The following GHR variants were observed in gnomAD, a reference collection of about 807,000 sequenced individuals.
The protein encoded by GHR is GH receptor.
In GHR, 35 loss-of-function variants were observed where a neutral mutation model predicts 67.1. The observed-to-expected ratio is 0.52, with a 90% CI of 0.40 to 0.69. The LOEUF (loss-of-function observed/expected upper bound fraction) is 0.69. Ranked by LOEUF, GHR falls within the 30% of genes least tolerant of loss-of-function variation. The pLI is 0.00. For synonymous variants in GHR, 272 were observed against 269.1 expected (o/e 1.01, Z -0.10); for missense variants, 792 against 764.6 (o/e 1.04, Z -0.42).
intron 1 of GHR, chr5:42,466,857 A>G: frequency 3.5e-6 from 5 of 1,414,528 alleles, no homozygotes; most frequent in Non-Finnish European, 4.7e-6. Flanking sequence ...GGTTATGACC[A>G]ATGCTGGAAG....
At chr5:42,607,838 A>G (rs1238365371) in intron 2 of GHR, among the ~76,000 whole-genome samples, 2 of 152,216 alleles carry the variant, frequency 1.3e-5, no homozygotes, top group African/African-American at 2.4e-5. Flanking sequence ...ACTTACTACC[A>G]ACTTCTTACA....
chr5:42,592,708 G>A (rs954233434), intron 2 of GHR, among the ~76,000 whole-genome samples: 3 of 152,186 alleles, frequency 2.0e-5, no homozygotes, highest in Non-Finnish European at 4.4e-5. Flanking sequence ...ATTGTGAATA[G>A]AGCCTCAGTG....
chr5:42,555,839 G>A (rs1676743079), intron 1 of GHR, among the ~76,000 whole-genome samples: 1 of 152,130 alleles, frequency 6.6e-6, no homozygotes, highest in South Asian at 2.1e-4. Flanking sequence ...GTCGGGACAT[G>A]AATAGCCGTC....
In GHR at chr5:42,429,218, G is replaced by T. The variant is rs992024546; in HGVS notation, c.-12+5263G>T. 4.6e-5 allele frequency among the ~76,000 whole-genome samples: 7 copies of T among 152,200 alleles called. No homozygotes were observed. In the East Asian group the frequency reaches 1.2e-3, roughly 25 times the overall value. ...CTCTTACATGGTGGCAGACAATAAG[G>T]CATGTGCGGGGGAACTACCCTTTAT... On this transcript the variant is annotated intron_variant, in intron 1 of 9. Transcript: ENST00000230882.
intron 2 of GHR, among the ~76,000 whole-genome samples, chr5:42,616,731 A>G (rs931087441): frequency 2.0e-5 from 3 of 151,882 alleles, no homozygotes; most frequent in African/African-American, 7.3e-5. Context: ...ACAGGACAAT[A>G]TTTATGGGTC....
At chr5:42,470,097 T>TA (rs1744934578) in intron 1 of GHR, among the ~76,000 whole-genome samples, 1 of 147,256 alleles carries the variant, frequency 6.8e-6, no homozygotes. Flanking sequence ...TATTATATTA[T>TA]ATGTCAATAA....
intron 3 of GHR, among the ~76,000 whole-genome samples, chr5:42,685,854 T>C (rs1757112451): frequency 1.3e-5 from 2 of 152,224 alleles, no homozygotes; most frequent in Admixed American, 1.3e-4. Context: ...CTTTGTCAGA[T>C]GGGCAGATTG....
intron 3 of GHR, among the ~76,000 whole-genome samples, chr5:42,645,688 G>C (rs180868151): frequency 9.9e-5 from 15 of 152,242 alleles, no homozygotes; most frequent in Middle Eastern, 3.4e-3. Context: ...GCCTACTTCT[G>C]CTCCACCATC....
At chr5:42,531,493 A>G (rs1327988827) in intron 1 of GHR, among the ~76,000 whole-genome samples, 1 of 148,780 alleles carries the variant, frequency 6.7e-6, no homozygotes, top group Non-Finnish European at 1.5e-5. Context: ...TTTTTTTTAG[A>G]GTGGGTCTCG....
intron 3 of GHR, among the ~76,000 whole-genome samples, chr5:42,643,720 CTT>C (rs59494703): frequency 4.8e-5 from 7 of 146,192 alleles, no homozygotes; most frequent in African/African-American, 7.5e-5. Context: ...TACATTATGC[CTT>C]TTTTTTTTTC....
intron 1 of GHR, chr5:42,467,482 A>G (rs1561320393): frequency 3.0e-6 from 3 of 1,015,168 alleles, no homozygotes; most frequent in Non-Finnish European, 4.6e-6. Flanking sequence ...TTTTTCTGTA[A>G]TGTGGAGTTT....
intron 1 of GHR, among the ~76,000 whole-genome samples, chr5:42,439,886 T>C (rs1295354822): frequency 1.3e-5 from 2 of 152,244 alleles, no homozygotes; most frequent in Non-Finnish European, 2.9e-5. Flanking sequence ...CTCCTAGTCC[T>C]TCCCTTAAAT....
chr5:42,629,037 G>C lies in GHR; in HGVS notation c.71-1G>C, dbSNP rs757860934. On this transcript the variant is annotated splice_acceptor_variant, in intron 2 of 9. Coordinates refer to ENST00000230882, the MANE Select transcript of GHR (RefSeq NM_000163.5). LOFTEE classifies it high-confidence loss of function. ...ATGGTTTTCTTCTCTTTCTGTTTCA[G>C]CCACAGCAGCTATCCTTAGCAGAGC... 5 of 1,365,536 alleles carry C rather than the reference G, an allele frequency of 3.7e-6. No homozygotes were observed. The highest frequency in any genetic ancestry group is 5.1e-6 in the Non-Finnish European group (5 of 984,560). The allele number at this position is 1,365,536 out of a possible 1,614,324, so 84.6% of individuals were successfully genotyped here.
chr5:42,438,172 T>C (rs1743415268), intron 1 of GHR, among the ~76,000 whole-genome samples: 3 of 152,216 alleles, frequency 2.0e-5, no homozygotes, highest in South Asian at 2.1e-4. Context: ...TACCAAGTCC[T>C]TTTTTATATT....
At chr5:42,576,572 A>G (rs1410793663) in intron 2 of GHR, among the ~76,000 whole-genome samples, 1 of 152,216 alleles carries the variant, frequency 6.6e-6, no homozygotes, top group African/African-American at 2.4e-5. Context: ...GTAGAATTTT[A>G]TTTATAACAA....
At chr5:42,450,801 G>C (rs1447776127) in intron 1 of GHR, among the ~76,000 whole-genome samples, 1 of 151,872 alleles carries the variant, frequency 6.6e-6, no homozygotes. Context: ...CATCACTTTT[G>C]TTGTATCCCA....
intron 1 of GHR, among the ~76,000 whole-genome samples, chr5:42,474,297 G>GAAAGA (rs1554054597): frequency 8.0e-5 from 10 of 124,274 alleles, no homozygotes; most frequent in Non-Finnish European, 5.2e-5. Context: ...AAGAGAAAGA[G>GAAAGA]AAAGAAAGAA....
At chr5:42,447,323 G>A (rs1056217322) in intron 1 of GHR, among the ~76,000 whole-genome samples, 1 of 151,984 alleles carries the variant, frequency 6.6e-6, no homozygotes, top group Non-Finnish European at 1.5e-5. Flanking sequence ...AGTTGCCAAA[G>A]TCTATTATAT....
At chr5:42,500,962 T>A (rs1746517633) in intron 1 of GHR, among the ~76,000 whole-genome samples, 1 of 152,194 alleles carries the variant, frequency 6.6e-6, no homozygotes, top group Admixed American at 6.5e-5. Context: ...GTGAGGAAGT[T>A]TAAAGTGGTG....
Sources: allele counts gnomAD v4.1 joint callset (sites outside exome capture counted in the v4.1 genomes callset), GRCh38; gene constraint gnomAD v4.1.1; transcripts MANE v1.5; gene names NCBI Gene and HGNC (gene_info 2026-07-23, HGNC 2026-07-21).